The following INVS variants were observed in gnomAD, a reference collection of about 807,000 sequenced individuals.
INVS encodes inversin, also known as inversion of embryo turning homolog.
INVS carries 86 observed loss-of-function variants against 108.8 expected under a neutral mutation model. That is an observed-to-expected ratio of 0.79 (90% CI 0.66 to 0.95). INVS has a LOEUF of 0.95. Ranked by LOEUF, INVS falls within the 40% of genes least tolerant of loss-of-function variation. INVS has a pLI of 0.00. For synonymous variants in INVS, 455 were observed against 473.5 expected (o/e 0.96, Z 0.51); for missense variants, 1,169 against 1,297.4 (o/e 0.90, Z 1.52).
chr9:100,224,043 A>T (rs1468509455), intron 3 of INVS, among the ~76,000 whole-genome samples: 2 of 152,226 alleles, frequency 1.3e-5, no homozygotes, highest in Non-Finnish European at 2.9e-5. Context: ...GAGCAAAAAA[A>T]ACAAAACAAA....
At chr9:100,225,143 C>T (rs982200628) in intron 3 of INVS, among the ~76,000 whole-genome samples, 12 of 151,330 alleles carry the variant, frequency 7.9e-5, no homozygotes, top group East Asian at 2.0e-4. Flanking sequence ...CTGCAAGCTC[C>T]GCCTCCCAGG....
rs975631597 is a variant in INVS, at chr9:100,250,165, T to C, written c.1079-2118T>C. On this transcript the variant is annotated intron_variant, in intron 8 of 16. Coordinates refer to ENST00000262457, the MANE Select transcript of INVS (RefSeq NM_014425.5). ...TTGTTACTCCCTCTTTGAAAAGTGCTGTAAGTTTATATAGAAACTTAATTT... is the reference window on the plus strand; with the variant it reads ...TTGTTACTCCCTCTTTGAAAAGTGCCGTAAGTTTATATAGAAACTTAATTT... Among the ~76,000 whole-genome samples, 7 of 152,280 alleles carry C rather than the reference T, an allele frequency of 4.6e-5. No individual in the cohort carries two copies. The South Asian group carries it at 1.0e-3, about 23-fold the overall frequency.
At position 100,302,066 on chromosome 9, in the gene INVS, G is replaced by C. The variant is rs574415078; in HGVS notation, c.*1392G>C. On this transcript the variant is annotated 3_prime_UTR_variant, in exon 17 of 17. Transcript: ENST00000262457. ...CATTATTTTCATATATCAGTGCAAAGAAAGAAGGTTCGTAAACTTCTTTAA... is the reference window on the plus strand; with the variant it reads ...CATTATTTTCATATATCAGTGCAAACAAAGAAGGTTCGTAAACTTCTTTAA... The C allele has an allele frequency of 2.2e-4, 129 of 574,642 alleles. No individual in the cohort carries two copies. The highest frequency in any genetic ancestry group is 2.2e-3 in the African/African-American group (120 of 54,170). The allele number at this position is 574,642 out of a possible 1,614,324, so 35.6% of individuals were successfully genotyped here.
chr9:100,169,969 A>T (rs902472938), intron 3 of INVS, among the ~76,000 whole-genome samples: 3 of 152,184 alleles, frequency 2.0e-5, no homozygotes, highest in Non-Finnish European at 2.9e-5. Flanking sequence ...TTACCATTAC[A>T]AATGTTTCAT....
At chr9:100,148,799 C>G (rs1197065557) in intron 3 of INVS, among the ~76,000 whole-genome samples, 2 of 152,178 alleles carry the variant, frequency 1.3e-5, no homozygotes, top group African/African-American at 2.4e-5. Flanking sequence ...TCTATAAAAC[C>G]AACACATGTA....
chr9:100,176,422 A>T (rs1829712292), intron 3 of INVS, among the ~76,000 whole-genome samples: 1 of 152,168 alleles, frequency 6.6e-6, no homozygotes, highest in Non-Finnish European at 1.5e-5. Flanking sequence ...GTACAAATTG[A>T]TGTGGTGAAG....
chr9:100,206,254 C>A (rs539697872), intron 3 of INVS, among the ~76,000 whole-genome samples: 31 of 152,142 alleles, frequency 2.0e-4, no homozygotes, highest in African/African-American at 7.2e-4. Flanking sequence ...ACTGCGATTA[C>A]CTCAGGTTTA....
chr9:100,285,318 C>T (rs1833406585), intron 13 of INVS, among the ~76,000 whole-genome samples: 3 of 152,148 alleles, frequency 2.0e-5, no homozygotes. Flanking sequence ...CAGTAACAGT[C>T]CTAGGTAATA....
chr9:100,117,781 AAACCCT>A (rs1480422194), intron 2 of INVS: 1 of 493,564 alleles, frequency 2.0e-6, no homozygotes, highest in Non-Finnish European at 3.5e-6. Flanking sequence ...CATATGTTTG[AAACCCT>A]AACCCTCAAT....
At chr9:100,252,744 G>C (rs1187407557) in intron 9 of INVS, among the ~76,000 whole-genome samples, 163 bp from the exon 10 acceptor site, 1 of 152,160 alleles carries the variant, frequency 6.6e-6, no homozygotes, top group East Asian at 1.9e-4. Flanking sequence ...AACGTATGTG[G>C]AAGCATTTCC....
intron 2 of INVS, among the ~76,000 whole-genome samples, chr9:100,110,301 T>C (rs924641242): frequency 2.0e-5 from 3 of 152,174 alleles, no homozygotes; most frequent in African/African-American, 7.2e-5. Context: ...TTACCCTCAT[T>C]TTTAAATAAG....
chr9:100,194,354 G>C (rs545164938), intron 3 of INVS, among the ~76,000 whole-genome samples: 1 of 152,132 alleles, frequency 6.6e-6, no homozygotes, highest in African/African-American at 2.4e-5. Flanking sequence ...AGATCTTTTC[G>C]TGTGCTTGTC....
At chr9:100,241,808 A>G (rs1831882757) in intron 6 of INVS, among the ~76,000 whole-genome samples, 1 of 152,182 alleles carries the variant, frequency 6.6e-6, no homozygotes. Flanking sequence ...TTTATGCAGT[A>G]TATCCTTGCT....
chr9:100,225,761 T>C (rs985871544), intron 3 of INVS, among the ~76,000 whole-genome samples: 20 of 152,070 alleles, frequency 1.3e-4, no homozygotes, highest in African/African-American at 4.3e-4. Context: ...AAAAAAAATA[T>C]TAGAAACATT....
intron 2 of INVS, among the ~76,000 whole-genome samples, chr9:100,111,246 T>C (rs1385135154): frequency 6.6e-6 from 1 of 152,246 alleles, no homozygotes; most frequent in Non-Finnish European, 1.5e-5. Flanking sequence ...TTGTTACTTG[T>C]ATTGGGCATT....
chr9:100,213,230 A>G (rs1388633162), intron 3 of INVS, among the ~76,000 whole-genome samples: 2 of 151,830 alleles, frequency 1.3e-5, no homozygotes, highest in Non-Finnish European at 2.9e-5. Flanking sequence ...GGGGACATAT[A>G]TTCAGTCTGT....
chr9:100,298,776 A>C (rs901977695), intron 16 of INVS, among the ~76,000 whole-genome samples: 1 of 150,196 alleles, frequency 6.7e-6, no homozygotes, highest in Non-Finnish European at 1.5e-5. Flanking sequence ...ATCTTTAATA[A>C]GTGTTGGACA....
intron 3 of INVS, among the ~76,000 whole-genome samples, chr9:100,197,972 A>G (rs957522183): frequency 1.3e-5 from 2 of 152,200 alleles, no homozygotes. Flanking sequence ...TCTGAGGCCT[A>G]AAGCACCCAA....
chr9:100,158,924 G>A (rs191097112), intron 3 of INVS, among the ~76,000 whole-genome samples: 25 of 152,104 alleles, frequency 1.6e-4, no homozygotes, highest in African/African-American at 4.8e-4. Flanking sequence ...ATCCTTCCCC[G>A]TTCTCTCTCT....
Sources: allele counts gnomAD v4.1 joint callset (sites outside exome capture counted in the v4.1 genomes callset), GRCh38; gene constraint gnomAD v4.1.1; transcripts MANE v1.5; gene names NCBI Gene and HGNC (gene_info 2026-07-23, HGNC 2026-07-21).